Variants in PIBF1 observed in about 807,000 individuals in gnomAD.
PIBF1 encodes progesterone immunomodulatory binding factor 1, also known as progesterone-induced-blocking factor 1.
Under a neutral mutation model 112.5 loss-of-function variants are expected in PIBF1, and 90 were observed. That is an observed-to-expected ratio of 0.80 (90% CI 0.67 to 0.95). The LOEUF is 0.95. Ranked by LOEUF, PIBF1 falls within the 40% of genes least tolerant of loss-of-function variation. PIBF1 has a pLI of 0.00. For synonymous variants in PIBF1, 301 were observed against 288.6 expected (o/e 1.04, Z -0.44); for missense variants, 915 against 852.3 (o/e 1.07, Z -0.92).
intron 13 of PIBF1, among the ~76,000 whole-genome samples, chr13:72,925,764 A>G (rs562206353): frequency 6.6e-6 from 1 of 151,178 alleles, no homozygotes; most frequent in African/African-American, 2.4e-5. Context: ...CTGGTCTCGA[A>G]CTCCTGACCT....
chr13:73,004,434 TGAGCC>T (rs984026746), intron 17 of PIBF1, among the ~76,000 whole-genome samples: 3 of 150,836 alleles, frequency 2.0e-5, no homozygotes, highest in African/African-American at 7.3e-5. Context: ...GAGGTTGCAT[TGAGCC>T]GAGATTGTGC....
intron 16 of PIBF1, among the ~76,000 whole-genome samples, chr13:72,986,791 C>T (rs980893835): frequency 2.6e-5 from 4 of 151,202 alleles, no homozygotes; most frequent in African/African-American, 9.8e-5. Context: ...CCCGGGTTCA[C>T]GCCATTCTCC....
intron 14 of PIBF1, among the ~76,000 whole-genome samples, chr13:72,958,575 T>C (rs1290440570): frequency 6.6e-6 from 1 of 152,174 alleles, no homozygotes; most frequent in East Asian, 1.9e-4. Flanking sequence ...TAAATAGCTC[T>C]ACACTAAGAT....
chr13:72,948,094 G>A (rs996676357), intron 14 of PIBF1, among the ~76,000 whole-genome samples: 1 of 152,078 alleles, frequency 6.6e-6, no homozygotes, highest in Non-Finnish European at 1.5e-5. Context: ...GGGGAGCTAG[G>A]GGAGGTATAG....
chr13:72,869,543 C>T (rs1168669270), intron 10 of PIBF1, among the ~76,000 whole-genome samples: 1 of 151,276 alleles, frequency 6.6e-6, no homozygotes, highest in African/African-American at 2.4e-5. Context: ...GTGCAGCACA[C>T]CAGCATGGCA....
intron 10 of PIBF1, among the ~76,000 whole-genome samples, chr13:72,870,858 C>A (rs186377769): frequency 6.6e-6 from 1 of 151,080 alleles, no homozygotes; most frequent in South Asian, 2.1e-4. Flanking sequence ...AATTCATTCA[C>A]CTGATTCAGA....
chr13:72,965,760 G>A (rs375913225), intron 15 of PIBF1, among the ~76,000 whole-genome samples: 7 of 152,078 alleles, frequency 4.6e-5, no homozygotes, highest in East Asian at 1.9e-4. Context: ...CATTTGTGTC[G>A]TTAAAATGGC....
chr13:72,799,378 C>A (rs1016775625), intron 5 of PIBF1, among the ~76,000 whole-genome samples: 2 of 152,122 alleles, frequency 1.3e-5, no homozygotes, highest in Admixed American at 1.3e-4. Flanking sequence ...TTAAGTCTTG[C>A]CATAGAACCA....
intron 15 of PIBF1, among the ~76,000 whole-genome samples, chr13:72,965,841 GCTTTT>G (rs1239560570): frequency 6.6e-6 from 1 of 152,056 alleles, no homozygotes; most frequent in African/African-American, 2.4e-5. Flanking sequence ...GAATTTTTAG[GCTTTT>G]CTTCTGACCT....
At chr13:72,929,158 A>G (rs531302630) in intron 13 of PIBF1, among the ~76,000 whole-genome samples, 1 of 152,358 alleles carries the variant, frequency 6.6e-6, no homozygotes, top group South Asian at 2.1e-4. Flanking sequence ...ATGTATGAAG[A>G]GTAAGAAAGC....
chr13:72,946,662 C>A (rs1177446886), intron 14 of PIBF1, among the ~76,000 whole-genome samples: 2 of 152,148 alleles, frequency 1.3e-5, no homozygotes, highest in Non-Finnish European at 2.9e-5. Context: ...GTAAATACAC[C>A]CATTTCAAGT....
At chr13:72,962,079 T>A (rs1237902797) in intron 14 of PIBF1, among the ~76,000 whole-genome samples, 1 of 152,152 alleles carries the variant, frequency 6.6e-6, no homozygotes, top group Non-Finnish European at 1.5e-5. Flanking sequence ...TTTTATATAT[T>A]GTTTATACTG....
At chr13:72,994,780 C>T (rs2043594322) in intron 16 of PIBF1, among the ~76,000 whole-genome samples, 1 of 152,204 alleles carries the variant, frequency 6.6e-6, no homozygotes, top group Admixed American at 6.5e-5. Flanking sequence ...AAAATGATTT[C>T]ATCTTACCAA....
chr13:72,982,259 G>T (rs2043175151), intron 16 of PIBF1, among the ~76,000 whole-genome samples: 1 of 152,002 alleles, frequency 6.6e-6, no homozygotes, highest in African/African-American at 2.4e-5. Flanking sequence ...GCAACATGGT[G>T]AAACTGTCTC....
intron 13 of PIBF1, among the ~76,000 whole-genome samples, chr13:72,925,317 G>C (rs996442220): frequency 1.3e-5 from 2 of 152,110 alleles, no homozygotes; most frequent in African/African-American, 4.8e-5. Flanking sequence ...ACAATGCTCA[G>C]TATTGGTTGG....
chr13:72,824,162 C>A (rs549026325), intron 6 of PIBF1, among the ~76,000 whole-genome samples: 15 of 148,960 alleles, frequency 1.0e-4, no homozygotes, highest in Middle Eastern at 3.4e-3. Flanking sequence ...TACAGGTGTG[C>A]GCCACCATGC....
chr13:72,785,039 GCT>G (rs2034524902), intron 2 of PIBF1, among the ~76,000 whole-genome samples: 1 of 151,930 alleles, frequency 6.6e-6, no homozygotes, highest in Non-Finnish European at 1.5e-5. Flanking sequence ...TGCCCAGCTA[GCT>G]CTCTGGGATC....
chr13:72,947,497 A>G (rs1003521814), intron 14 of PIBF1, among the ~76,000 whole-genome samples: 1 of 152,230 alleles, frequency 6.6e-6, no homozygotes, highest in African/African-American at 2.4e-5. Flanking sequence ...TCCTTGTTAC[A>G]TAGGCAAATT....
At chr13:72,872,483 C>T (rs2039210943) in intron 10 of PIBF1, among the ~76,000 whole-genome samples, 1 of 152,026 alleles carries the variant, frequency 6.6e-6, no homozygotes, top group Admixed American at 6.6e-5. Context: ...AAAGAACAAG[C>T]CTATACATAA....
Sources: allele counts gnomAD v4.1 joint callset (sites outside exome capture counted in the v4.1 genomes callset), GRCh38; gene constraint gnomAD v4.1.1; transcripts MANE v1.5; gene names NCBI Gene and HGNC (gene_info 2026-07-23, HGNC 2026-07-21).